The following UMPS variants were observed in gnomAD, a reference collection of about 807,000 sequenced individuals.
The protein encoded by UMPS is uridine monophosphate synthetase, also known as uridine 5'-monophosphate synthase.
In UMPS, 21 loss-of-function variants were observed where a neutral mutation model predicts 38.9. The observed-to-expected ratio is 0.54, with a 90% CI of 0.38 to 0.78. UMPS has a LOEUF of 0.78. UMPS is among the 30% of genes least tolerant of loss of function. The pLI is 0.00. For synonymous variants in UMPS, 208 were observed against 219.3 expected, an observed-to-expected ratio of 0.95 and a Z score of 0.45; for missense variants, 533 against 591.6, an observed-to-expected ratio of 0.90 and a Z score of 1.03.
intron 2 of UMPS, 139 bp from the exon 3 acceptor site, chr3:124,737,429 C>G: frequency 2.6e-6 from 2 of 765,310 alleles, no homozygotes; most frequent in South Asian, 3.4e-5. Flanking sequence ...GTGCAACTAG[C>G]AAGTTTGGTA....
At chr3:124,731,961 AT>A (rs2063482171) in intron 1 of UMPS, among the ~76,000 whole-genome samples, 1 of 145,296 alleles carries the variant, frequency 6.9e-6, no homozygotes, top group Non-Finnish European at 1.5e-5. Flanking sequence ...TGCCCACCAA[AT>A]TAAAAATTTT....
Position 124,744,777 on chromosome 3 carries a change from G to A in UMPS, c.*693G>A, listed in dbSNP as rs952812669. ...GTCAGCACAGCTTTTCTTGTGTCCTGTATTCTCTGTCTAATGTGTTGCCCA... is the reference window on the plus strand; with the variant it reads ...GTCAGCACAGCTTTTCTTGTGTCCTATATTCTCTGTCTAATGTGTTGCCCA... On this transcript the variant is annotated 3_prime_UTR_variant, in exon 6 of 6. Transcript: ENST00000232607. 8.8e-6 allele frequency: 4 copies of A among 454,004 alleles called. No homozygotes were observed. The highest frequency in any genetic ancestry group is 4.0e-5 in the African/African-American group (2 of 50,008). 28.1% of individuals were successfully genotyped at this position (454,004 alleles called of 1,614,324 possible).
rs762182203 is a variant in UMPS at position 124,737,944 on chromosome 3, A to C, written c.687A>C (p.Ala229=). The change falls in exon 3 of 6, where the codon GCA becomes GCC. Residue 229 remains alanine, a synonymous_variant. Coordinates refer to ENST00000232607, the MANE Select transcript of UMPS (RefSeq NM_000373.4). Reference sequence around the variant, plus strand: ...CACCCAAAGAACTCAGCTTCGGTGCACGTGCAGAGCTGCCCAGGATCCACC... The same window carrying C: ...CACCCAAAGAACTCAGCTTCGGTGCCCGTGCAGAGCTGCCCAGGATCCACC... ...KEAPKELSFG[A]RAELPRIHPV... The C allele has an allele frequency of 6.2e-7, 1 of 1,614,248 alleles. No homozygotes were observed. The highest frequency in any genetic ancestry group is 8.5e-7 in the Non-Finnish European group (1 of 1,180,042).
chr3:124,740,693 C>T (rs1351702026), intron 4 of UMPS, among the ~76,000 whole-genome samples: 1 of 152,142 alleles, frequency 6.6e-6, no homozygotes, highest in Non-Finnish European at 1.5e-5. Context: ...CGCAGTTGCT[C>T]ACACCTGTAA....
Position 124,730,456 on chromosome 3 carries a change from C to T in UMPS, c.-16C>T. The T allele has an allele frequency of 6.2e-7, 1 of 1,613,726 alleles. No individual in the cohort carries two copies. The highest frequency in any genetic ancestry group is 8.5e-7 in the Non-Finnish European group (1 of 1,179,870). ...GGGGCGCCTGGGAATTTGAAGCAAA[C>T]AGGCAGCGCGCGACAATGGCGGTCG... is the stretch of plus-strand genomic sequence containing the variant. On this transcript the variant is annotated 5_prime_UTR_variant, in exon 1 of 6. Coordinates refer to ENST00000232607, the MANE Select transcript of UMPS (RefSeq NM_000373.4).
chr3:124,748,529 C>T lies in UMPS; in HGVS notation c.*4445C>T, dbSNP rs981830708. The T allele has an allele frequency of 3.1e-5, 14 of 453,934 alleles. No homozygotes were observed. Among genetic ancestry groups the T allele is most frequent in the African/African-American group, 2.4e-4 (12 of 49,992 alleles). The allele number at this position is 453,934 out of a possible 1,614,324, so 28.1% of individuals were successfully genotyped here. A position where few individuals can be genotyped will look rare whatever the true frequency, so the allele number is the denominator to read the frequency against. ...GCACATTTGCCTAGCCCTTTCCTTC[C>T]CACCAAGGGGGAAAGTCTTCCTCTA... On this transcript the variant is annotated 3_prime_UTR_variant, in exon 6 of 6. Coordinates refer to ENST00000232607, the MANE Select transcript of UMPS (RefSeq NM_000373.4).
In UMPS at chr3:124,746,936, AACACTCACCCTTGTGCT is replaced by A; in HGVS notation, c.*2855_*2871del. The stretch of plus-strand genomic sequence containing the variant: ...CAGCCAGCCTGTGGATCTCAGTCCC[AACACTCACCCTTGTGCT>A]ACTGAGTCAGCTCTAAGAAAATCTG... On this transcript the variant is annotated 3_prime_UTR_variant, in exon 6 of 6. Coordinates refer to ENST00000232607, the MANE Select transcript of UMPS (RefSeq NM_000373.4). 1 of 454,110 alleles carries A rather than the reference AACACTCACCCTTGTGCT, an allele frequency of 2.2e-6. No individual in the cohort carries two copies. Among genetic ancestry groups the A allele is most frequent in the Non-Finnish European group, 4.4e-6 (1 of 226,774 alleles). The allele number at this position is 454,110 out of a possible 1,614,324, so 28.1% of individuals were successfully genotyped here. A position where few individuals can be genotyped will look rare whatever the true frequency, so the allele number is the denominator to read the frequency against.
rs1348986037 is a variant in UMPS, at chr3:124,745,406, C to T, written c.*1322C>T. On this transcript the variant is annotated 3_prime_UTR_variant, in exon 6 of 6. Coordinates refer to ENST00000232607, the MANE Select transcript of UMPS (RefSeq NM_000373.4). ...TTTGAGACAGAATCTCACTGTCGCC[C>T]AGGCTGGAGTTCAGTGGCACGATCT... is the stretch of plus-strand genomic sequence containing the variant. 2 of 453,560 alleles carry T rather than the reference C, an allele frequency of 4.4e-6. No homozygotes were observed. Among genetic ancestry groups the T allele is most frequent in the African/African-American group, 4.0e-5 (2 of 49,892 alleles). 28.1% of individuals were successfully genotyped at this position (453,560 alleles called of 1,614,324 possible). A position where few individuals can be genotyped will look rare whatever the true frequency, so the allele number is the denominator to read the frequency against.
chr3:124,748,776 T>TA lies in UMPS; in HGVS notation c.*4692_*4693insA. On this transcript the variant is annotated 3_prime_UTR_variant, in exon 6 of 6. Transcript: ENST00000232607. The stretch of plus-strand genomic sequence containing the variant: ...TCCCTCGCCCCAGCTCGGCCATGTG[T>TA]GTCTGGGACAGAGCCTGAGGTGGCC... The TA allele has an allele frequency of 2.5e-6, 1 of 407,430 alleles. No individual in the cohort carries two copies. The highest frequency in any genetic ancestry group is 4.9e-6 in the Non-Finnish European group (1 of 205,132). 25.2% of individuals were successfully genotyped at this position (407,430 alleles called of 1,614,324 possible). A position where few individuals can be genotyped will look rare whatever the true frequency, so the allele number is the denominator to read the frequency against.
chr3:124,735,175 C>T lies in UMPS; in HGVS notation c.239C>T (p.Pro80Leu). 2 of 1,614,068 alleles carry T rather than the reference C, an allele frequency of 1.2e-6. No individual in the cohort carries two copies. The highest frequency in any genetic ancestry group is 2.7e-5 in the African/African-American group (2 of 75,036). Residue 80 changes from proline to leucine, a missense_variant, in exon 2 of 6, where the codon CCA (proline) becomes CTA (leucine). Pro to Leu is a moderately conservative substitution (Grantham distance 98). Coordinates refer to ENST00000232607, the MANE Select transcript of UMPS (RefSeq NM_000373.4). Reference sequence around the variant, plus strand: ...TGTGGAGTGCCTTATACAGCTTTGCCATTGGCTACAGTTATCTGTTCAACC... The same window carrying T: ...TGTGGAGTGCCTTATACAGCTTTGCTATTGGCTACAGTTATCTGTTCAACC... ...TVCGVPYTAL[P>L]LATVICSTNQ...
intron 2 of UMPS, 98 bp downstream of exon 2, chr3:124,735,344 C>A: frequency 8.6e-7 from 1 of 1,158,000 alleles, no homozygotes; most frequent in Non-Finnish European, 1.3e-6. Flanking sequence ...TACCAGTCAT[C>A]TTGAGTTCTT....
rs1801019 is a variant in UMPS, at chr3:124,737,895, G to C, written c.638G>C (p.Gly213Ala). The C allele has an allele frequency of 0.18, 291,596 of 1,613,970 alleles. 27,370 individuals carry two copies. The highest frequency in any genetic ancestry group is 0.3 in the Admixed American group (17,724 of 59,976). Reference protein sequence around the residue: ...ENVFVAANHNGSPLSIKEAPK... With the variant: ...ENVFVAANHNASPLSIKEAPK... ...GTCTTTGTGGCAGCGAATCATAATG[G>C]TTCTCCCCTTTCTATAAAGGAAGCA... The change falls in exon 3 of 6, where the codon GGT (glycine) becomes GCT (alanine). Residue 213 changes from glycine to alanine, a missense_variant. Gly to Ala is a moderately conservative substitution (Grantham distance 60, BLOSUM62 0). Coordinates refer to ENST00000232607, the MANE Select transcript of UMPS (RefSeq NM_000373.4).
rs905251395 is a variant in UMPS at position 124,746,367 on chromosome 3, G to T, written c.*2283G>T. The T allele has an allele frequency of 8.8e-6, 4 of 453,984 alleles. No homozygotes were observed. Among genetic ancestry groups the T allele is most frequent in the Non-Finnish European group, 1.8e-5 (4 of 226,800 alleles). 28.1% of individuals were successfully genotyped at this position (453,984 alleles called of 1,614,324 possible). A position where few individuals can be genotyped will look rare whatever the true frequency, so the allele number is the denominator to read the frequency against. On this transcript the variant is annotated 3_prime_UTR_variant, in exon 6 of 6. Transcript: ENST00000232607. ...GCCTGGGCGTGTGCATTTCTAATGGGTGCCTCAAGTGATCTGTTTCTGATT... is the reference window on the plus strand; with the variant it reads ...GCCTGGGCGTGTGCATTTCTAATGGTTGCCTCAAGTGATCTGTTTCTGATT...
intron 1 of UMPS, among the ~76,000 whole-genome samples, chr3:124,732,215 C>T (rs1031109586): frequency 6.6e-6 from 1 of 152,180 alleles, no homozygotes; most frequent in Admixed American, 6.5e-5. Flanking sequence ...AGGGCAACTA[C>T]TCATATTAAT....
intron 1 of UMPS, chr3:124,733,337 T>C (rs1252774290): frequency 6.6e-6 from 1 of 152,286 alleles, no homozygotes; most frequent in Non-Finnish European, 1.5e-5. Flanking sequence ...TACAGAAGAA[T>C]TCTCTTCTTT....
Position 124,737,993 on chromosome 3 carries a change from C to T in UMPS, c.736C>T (p.Leu246Phe), listed in dbSNP as rs1559905214. ...IHPVASKLLRLMQKKETNLCL... is the reference protein window; with the variant it reads ...IHPVASKLLRFMQKKETNLCL... ...CCCAGTTGCATCGAAGCTTCTCAGG[C>T]TTATGCAAAAGAAGGAGACCAATCT... The change falls in exon 3 of 6, where the codon CTT becomes TTT. Residue 246 changes from leucine (L) to phenylalanine (F), a missense_variant. Leu to Phe is a conservative substitution (Grantham distance 22). Coordinates refer to ENST00000232607, the MANE Select transcript of UMPS (RefSeq NM_000373.4). 3.1e-6 allele frequency: 5 copies of T among 1,614,054 alleles called. No homozygotes were observed. The highest frequency in any genetic ancestry group is 1.7e-6 in the Non-Finnish European group (2 of 1,180,034).
intron 1 of UMPS, chr3:124,731,413 C>T: frequency 3.3e-6 from 1 of 303,054 alleles, no homozygotes; most frequent in Non-Finnish European, 6.8e-6. Flanking sequence ...GCTGCCTCTC[C>T]CATTATCTTA....
At chr3:124,732,550 C>G (rs1055497604) in intron 1 of UMPS, 1 of 154,788 alleles carries the variant, frequency 6.5e-6, no homozygotes, top group East Asian at 1.9e-4. Flanking sequence ...AGTAGAGGGC[C>G]GTAAATATGC....
chr3:124,732,747 A>G (rs1288026968), intron 1 of UMPS, among the ~76,000 whole-genome samples: 1 of 152,218 alleles, frequency 6.6e-6, no homozygotes, highest in East Asian at 1.9e-4. Context: ...GTTTATGTTC[A>G]CTAGGGACCA....
Sources: allele counts gnomAD v4.1 joint callset (sites outside exome capture counted in the v4.1 genomes callset), GRCh38; gene constraint gnomAD v4.1.1; transcripts MANE v1.5; gene names NCBI Gene and HGNC (gene_info 2026-07-23, HGNC 2026-07-21).